MAP4K5: variants seen among roughly 807,000 people sequenced by gnomAD.
MAP4K5 encodes the protein mitogen-activated protein kinase kinase kinase kinase 5.
In MAP4K5, 82 loss-of-function variants were observed where a neutral mutation model predicts 135.6. That is an observed-to-expected ratio of 0.60 (90% CI 0.51 to 0.73). The LOEUF is 0.73. Among genes scored for constraint, MAP4K5 ranks in the 30% least tolerant of loss-of-function variants. The pLI is 0.00. For missense variants in MAP4K5, 907 were observed against 1,010.9 expected, an observed-to-expected ratio of 0.90 and a Z score of 1.39; for synonymous variants, 347 against 335.0, an observed-to-expected ratio of 1.04 and a Z score of -0.39.
chr14:50,491,232 G>A (rs1039244054), intron 3 of MAP4K5, among the ~76,000 whole-genome samples: 1 of 151,650 alleles, frequency 6.6e-6, no homozygotes, highest in African/African-American at 2.4e-5. Context: ...TATGACAGTA[G>A]ATCACAGATT....
chr14:50,480,546 G>A (rs1425150136), intron 6 of MAP4K5, among the ~76,000 whole-genome samples: 1 of 151,910 alleles, frequency 6.6e-6, no homozygotes, highest in Non-Finnish European at 1.5e-5. Context: ...AAATAAGTAA[G>A]AACATGTGAT....
chr14:50,469,762 T>C (rs2036915244), intron 9 of MAP4K5, among the ~76,000 whole-genome samples: 1 of 152,212 alleles, frequency 6.6e-6, no homozygotes, highest in Non-Finnish European at 1.5e-5. Flanking sequence ...ATCAGCACTG[T>C]AGAAGGCCTC....
At chr14:50,444,796 A>G (rs1234445282) in intron 18 of MAP4K5, among the ~76,000 whole-genome samples, 2 of 152,228 alleles carry the variant, frequency 1.3e-5, no homozygotes, top group Non-Finnish European at 2.9e-5. Flanking sequence ...TCTAGATCCT[A>G]TAATAAATAT....
At chr14:50,459,081 G>T (rs371848487) in intron 13 of MAP4K5, among the ~76,000 whole-genome samples, 12 of 152,244 alleles carry the variant, frequency 7.9e-5, no homozygotes, top group African/African-American at 2.6e-4. Context: ...CTAAACTACT[G>T]GGATTACAGG....
chr14:50,537,393 C>T (rs770069556), upstream of MAP4K5, among the ~76,000 whole-genome samples: 13 of 152,322 alleles, frequency 8.5e-5, no homozygotes, highest in South Asian at 8.3e-4. Flanking sequence ...AGTGCCCTCA[C>T]GGAGAACCTC....
chr14:50,436,292 G>C (rs1444707271), intron 26 of MAP4K5, among the ~76,000 whole-genome samples: 5 of 152,156 alleles, frequency 3.3e-5, no homozygotes, highest in Non-Finnish European at 7.4e-5. Flanking sequence ...TCTCTGTCCT[G>C]CTTCTGGGAG....
intron 2 of MAP4K5, among the ~76,000 whole-genome samples, chr14:50,538,863 C>A (rs983695325): frequency 6.6e-6 from 1 of 152,184 alleles, no homozygotes; most frequent in Non-Finnish European, 1.5e-5. Context: ...GGCTAGAATG[C>A]AGTGGCTATT....
intron 9 of MAP4K5, among the ~76,000 whole-genome samples, chr14:50,471,291 C>G (rs2036955555): frequency 6.6e-6 from 1 of 152,002 alleles, no homozygotes; most frequent in Non-Finnish European, 1.5e-5. Flanking sequence ...ATTTGTTCAT[C>G]AAGGGACACA....
At chr14:50,449,055 GA>G in intron 14 of MAP4K5, 1 of 450,608 alleles carries the variant, frequency 2.2e-6, no homozygotes, top group Middle Eastern at 5.3e-4. Context: ...TTCTTGTTTG[GA>G]ATCAGGAAAT....
At chr14:50,487,952 T>C (rs2037403250) in intron 3 of MAP4K5, among the ~76,000 whole-genome samples, 2 of 152,180 alleles carry the variant, frequency 1.3e-5, no homozygotes, top group South Asian at 4.1e-4. Context: ...AAACATGAAT[T>C]ACAAAGAAGA....
intron 6 of MAP4K5, among the ~76,000 whole-genome samples, chr14:50,479,183 TCTC>T (rs1352840528): frequency 1.3e-3 from 26 of 20,504 alleles, no homozygotes; most frequent in Middle Eastern, 0.042. Context: ...CTTCATTCTC[TCTC>T]TTTTTTTTTT....
In MAP4K5 at chr14:50,482,341, A is replaced by G; in HGVS notation, c.378+20T>C. 14 of 1,427,162 alleles carry G rather than the reference A, an allele frequency of 9.8e-6. No homozygotes were observed. The highest frequency in any genetic ancestry group is 2.8e-5 in the South Asian group (2 of 71,442). 88.4% of individuals were successfully genotyped at this position (1,427,162 alleles called of 1,614,324 possible). On this transcript the variant is annotated intron_variant, in intron 6 of 32. Coordinates refer to ENST00000682126, the MANE Select transcript of MAP4K5 (RefSeq NM_006575.6). ...ATTGCCTAGAATTGCCTTTCTAACTATATTAAGAAAATATAGTACCTGTAA... is the reference window on the plus strand; with the variant it reads ...ATTGCCTAGAATTGCCTTTCTAACTGTATTAAGAAAATATAGTACCTGTAA...
At chr14:50,474,979 C>A (rs934818867) in intron 9 of MAP4K5, 98 bp downstream of exon 9, 5 of 1,055,332 alleles carry the variant, frequency 4.7e-6, no homozygotes, top group Admixed American at 1.9e-5. Context: ...GCAAATCTCC[C>A]TACTTTTAAT....
chr14:50,455,926 G>A (rs2036586171), intron 14 of MAP4K5, among the ~76,000 whole-genome samples: 1 of 152,064 alleles, frequency 6.6e-6, no homozygotes, highest in Non-Finnish European at 1.5e-5. Context: ...ATCTGTCAAT[G>A]ATTATTAAAT....
chr14:50,424,748 C>T (rs534970899), intron 31 of MAP4K5, among the ~76,000 whole-genome samples: 23 of 149,252 alleles, frequency 1.5e-4, no homozygotes, highest in Middle Eastern at 3.5e-3. Context: ...ATAGATATTT[C>T]GGAAATGGAA....
At chr14:50,523,025 C>T (rs1249592643) in intron 2 of MAP4K5, among the ~76,000 whole-genome samples, 1 of 152,142 alleles carries the variant, frequency 6.6e-6, no homozygotes, top group African/African-American at 2.4e-5. Flanking sequence ...TTAAAAATCA[C>T]AATGGGCTGG....
At chr14:50,483,167 T>C (rs1317034897) in intron 5 of MAP4K5, 1 of 152,228 alleles carries the variant, frequency 6.6e-6, no homozygotes, top group Admixed American at 6.5e-5. Context: ...TAGATCAAGA[T>C]GCTATTTCTT....
chr14:50,429,300 A>C, intron 28 of MAP4K5, 40 bp from the exon 29 acceptor site: 1 of 1,204,474 alleles, frequency 8.3e-7, no homozygotes, highest in East Asian at 2.5e-5. Flanking sequence ...ATACTTTTAA[A>C]ACCTAGAGCC....
intron 2 of MAP4K5, among the ~76,000 whole-genome samples, chr14:50,525,346 C>G (rs2038240650): frequency 6.6e-6 from 1 of 152,202 alleles, no homozygotes; most frequent in Non-Finnish European, 1.5e-5. Context: ...TCCTCCTGCC[C>G]CTCACCGATT....
Sources: allele counts gnomAD v4.1 joint callset (sites outside exome capture counted in the v4.1 genomes callset), GRCh38; gene constraint gnomAD v4.1.1; transcripts MANE v1.5; gene names NCBI Gene and HGNC (gene_info 2026-07-23, HGNC 2026-07-21).